PALM2AKAP2: variants seen among roughly 807,000 people sequenced by gnomAD.
PALM2AKAP2 encodes the protein PALM2-AKAP2 fusion protein.
Under a neutral mutation model 71.5 loss-of-function variants are expected in PALM2AKAP2, and 37 were observed. That is an observed-to-expected ratio of 0.52 (90% CI 0.40 to 0.68). The LOEUF (loss-of-function observed/expected upper bound fraction) is 0.68, where lower values mean the gene tolerates loss of function less well. Among genes scored for constraint, PALM2AKAP2 ranks in the 30% least tolerant of loss-of-function variants. The pLI, the probability that PALM2AKAP2 is intolerant of heterozygous loss-of-function variation, is 0.00. For missense variants in PALM2AKAP2, 1,224 were observed against 1,191.8 expected, an observed-to-expected ratio of 1.03 and a Z score of -0.40; for synonymous variants, 468 against 478.8, an observed-to-expected ratio of 0.98 and a Z score of 0.29.
At chr9:110,164,952 A>T (rs548770243) in intron 3 of PALM2AKAP2, among the ~76,000 whole-genome samples, 30 of 152,134 alleles carry the variant, frequency 2.0e-4, no homozygotes, top group Non-Finnish European at 2.9e-4. Context: ...GCAGCCAGAT[A>T]GTCTGGTGGC....
chr9:110,007,625 C>G (rs577381891), intron 6 of PALM2AKAP2, among the ~76,000 whole-genome samples: 2 of 152,290 alleles, frequency 1.3e-5, no homozygotes, highest in Non-Finnish European at 2.9e-5. Context: ...ACTATGCAAA[C>G]TTCTGCCTTT....
intron 1 of PALM2AKAP2, among the ~76,000 whole-genome samples, chr9:110,077,070 C>T (rs1034834955): frequency 6.6e-6 from 1 of 152,156 alleles, no homozygotes; most frequent in Non-Finnish European, 1.5e-5. Context: ...CTCAGTGAGT[C>T]AGAGTTTTGG....
chr9:110,154,036 A>G (rs1486315435), intron 2 of PALM2AKAP2, among the ~76,000 whole-genome samples: 1 of 152,160 alleles, frequency 6.6e-6, no homozygotes, highest in Non-Finnish European at 1.5e-5. Flanking sequence ...ATTGGTGTCT[A>G]TTTCTGGTCC....
chr9:109,954,167 T>C (rs1375759642), intron 6 of PALM2AKAP2, among the ~76,000 whole-genome samples: 1 of 152,202 alleles, frequency 6.6e-6, no homozygotes, highest in Non-Finnish European at 1.5e-5. Flanking sequence ...CCAAAACAAC[T>C]CTATAAAGTC....
At chr9:109,660,082 T>C (rs985720938) in intron 1 of PALM2AKAP2, among the ~76,000 whole-genome samples, 1 of 152,122 alleles carries the variant, frequency 6.6e-6, no homozygotes, top group African/African-American at 2.4e-5. Flanking sequence ...AGTCCTCCCA[T>C]GTTGGCCTTC....
intron 1 of PALM2AKAP2, among the ~76,000 whole-genome samples, chr9:109,826,015 A>G (rs1326546990): frequency 1.3e-5 from 2 of 152,214 alleles, no homozygotes; most frequent in Non-Finnish European, 2.9e-5. Context: ...ACATATGCAC[A>G]ATGGAATACT....
At chr9:109,648,177 T>C (rs959369367) in intron 1 of PALM2AKAP2, among the ~76,000 whole-genome samples, 1 of 152,206 alleles carries the variant, frequency 6.6e-6, no homozygotes. Flanking sequence ...TCCACCATGA[T>C]TGTAAGTTTC....
chr9:109,872,775 G>T (rs185588313), intron 2 of PALM2AKAP2, among the ~76,000 whole-genome samples: 1 of 152,114 alleles, frequency 6.6e-6, no homozygotes, highest in Non-Finnish European at 1.5e-5. Flanking sequence ...TGTCTTTCCC[G>T]GTTTTGAACA....
intron 2 of PALM2AKAP2, among the ~76,000 whole-genome samples, chr9:109,878,911 A>G (rs1829778330): frequency 6.6e-6 from 1 of 151,930 alleles, no homozygotes; most frequent in South Asian, 2.1e-4. Context: ...TTAATTTTGT[A>G]TTTTTAGTTG....
At chr9:109,742,255 A>T (rs1253092991) in intron 1 of PALM2AKAP2, among the ~76,000 whole-genome samples, 152 of 5,104 alleles carry the variant, frequency 0.03, 1 homozygote, top group African/African-American at 0.047. Context: ...ATGTATTCAC[A>T]CACACACACA....
At chr9:110,000,181 G>GC (rs1277655851) in intron 6 of PALM2AKAP2, among the ~76,000 whole-genome samples, 1 of 119,992 alleles carries the variant, frequency 8.3e-6, no homozygotes, top group East Asian at 2.4e-4. Flanking sequence ...CACACAACAG[G>GC]CCCCCGGTGT....
At chr9:110,146,716 T>G (rs1250789661) in intron 2 of PALM2AKAP2, among the ~76,000 whole-genome samples, 1 of 152,148 alleles carries the variant, frequency 6.6e-6, no homozygotes, top group Non-Finnish European at 1.5e-5. Context: ...CTAAGGAGAC[T>G]GGCATTTCAG....
At chr9:110,038,222 T>G (rs1833446980) in intron 7 of PALM2AKAP2, among the ~76,000 whole-genome samples, 1 of 151,930 alleles carries the variant, frequency 6.6e-6, no homozygotes, top group Non-Finnish European at 1.5e-5. Flanking sequence ...ACACCTGTCA[T>G]CCAAGGCTGA....
At chr9:109,904,023 A>G (rs192455493) in intron 3 of PALM2AKAP2, among the ~76,000 whole-genome samples, 103 of 152,352 alleles carry the variant, frequency 6.8e-4, no homozygotes, top group Non-Finnish European at 1.4e-3. Flanking sequence ...ATTAAATAGT[A>G]TGCTTTGGTT....
chr9:109,763,166 C>T (rs1225454302), intron 1 of PALM2AKAP2, among the ~76,000 whole-genome samples: 2 of 152,006 alleles, frequency 1.3e-5, no homozygotes, highest in African/African-American at 4.8e-5. Context: ...TCCCGGGGGT[C>T]ACTGTGGCAT....
Position 109,698,631 on chromosome 9 carries a change from C to T in PALM2AKAP2, c.5+57765C>T, listed in dbSNP as rs1828008494. Among the ~76,000 whole-genome samples, 6 of 152,270 alleles carry T rather than the reference C, an allele frequency of 3.9e-5. No homozygotes were observed. In the South Asian group the frequency reaches 1.2e-3, roughly 32 times the overall value. On this transcript the variant is annotated intron_variant, in intron 1 of 6. Transcript: ENST00000374531. ...ACACATCCAAAATGCTTTACCCTAC[C>T]ATCTCCCCTCCCTGCCTCTCACTCC...
chr9:109,713,752 G>A (rs1828275591), intron 1 of PALM2AKAP2, among the ~76,000 whole-genome samples: 2 of 152,202 alleles, frequency 1.3e-5, no homozygotes, highest in Admixed American at 6.5e-5. Context: ...CAGGAACCTG[G>A]AAGGAGGAAG....
exon 4 of PALM2AKAP2, chr9:110,171,085 T>G (rs1836848733): frequency 6.6e-6 from 1 of 152,276 alleles, no homozygotes; most frequent in African/African-American, 2.4e-5. Flanking sequence ...ACCATCCTTA[T>G]GACTTACCTT....
chr9:109,945,703 G>A (rs1831487525), intron 6 of PALM2AKAP2: 1 of 152,214 alleles, frequency 6.6e-6, no homozygotes, highest in Non-Finnish European at 1.5e-5. Flanking sequence ...AGCACAGTTA[G>A]TGAGTGAAAT....
Sources: allele counts gnomAD v4.1 joint callset (sites outside exome capture counted in the v4.1 genomes callset), GRCh38; gene constraint gnomAD v4.1.1; transcripts MANE v1.5; gene names NCBI Gene and HGNC (gene_info 2026-07-23, HGNC 2026-07-21).